Variants in FTCDNL1 observed in about 807,000 individuals in gnomAD.
FTCDNL1 encodes formiminotransferase N-terminal subdomain-containing protein.
In FTCDNL1, 11 loss-of-function variants were observed where a neutral mutation model predicts 5.9. The observed-to-expected ratio is 1.87, with a 90% CI of 1.18 to 3.10. The LOEUF (loss-of-function observed/expected upper bound fraction) is 3.10. Among genes scored for constraint, FTCDNL1 ranks in the 30% most tolerant of loss-of-function variants. FTCDNL1 has a pLI of 0.00. For synonymous variants in FTCDNL1, 58 were observed against 24.8 expected, an observed-to-expected ratio of 2.34 and a Z score of -3.99; for missense variants, 115 against 65.5, an observed-to-expected ratio of 1.76 and a Z score of -2.61.
At chr2:199,737,157 T>A in the FTCDNL1 span, among the ~76,000 whole-genome samples, 1 of 152,250 alleles carries the variant, frequency 6.6e-6, no homozygotes, top group Non-Finnish European at 1.5e-5. Context: ...CCAAATCTCA[T>A]GTCTGTCACT....
rs1700985332 is a variant in FTCDNL1 at position 199,810,669 on chromosome 2, C to G, written c.*2036G>C. ...ATTATAGTTTACACTATAAGATGGACAACTTGGTTAAATTAGCATTGGTAT... is the reference window on the plus strand; with the variant it reads ...ATTATAGTTTACACTATAAGATGGAGAACTTGGTTAAATTAGCATTGGTAT... On this transcript the variant is annotated 3_prime_UTR_variant, in exon 5 of 5. Transcript: ENST00000420128. Among the ~76,000 whole-genome samples the G allele has an allele frequency of 6.6e-6, 1 of 152,198 alleles. No individual in the cohort carries two copies. Among genetic ancestry groups the G allele is most frequent in the African/African-American group, 2.4e-5 (1 of 41,444 alleles).
chr2:199,678,497 C>T, the FTCDNL1 span, among the ~76,000 whole-genome samples: 1 of 151,768 alleles, frequency 6.6e-6, no homozygotes, highest in Non-Finnish European at 1.5e-5. Context: ...ATTATATAAG[C>T]CATATTTTTT....
chr2:199,758,441 C>G (rs1292797255), downstream of FTCDNL1, among the ~76,000 whole-genome samples: 1 of 149,544 alleles, frequency 6.7e-6, no homozygotes, highest in Non-Finnish European at 1.5e-5. Context: ...AAGCAAGAGG[C>G]CATTCCCACC....
intron 3 of FTCDNL1, among the ~76,000 whole-genome samples, chr2:199,779,110 T>C (rs937593577): frequency 2.6e-5 from 4 of 152,216 alleles, no homozygotes; most frequent in African/African-American, 9.6e-5. Context: ...GTTTTCCTTA[T>C]TATGTAAGTA....
At chr2:199,736,989 T>C in the FTCDNL1 span, among the ~76,000 whole-genome samples, 4 of 152,360 alleles carry the variant, frequency 2.6e-5, no homozygotes, top group South Asian at 8.3e-4. Context: ...ACAGGAGAGA[T>C]TGGCAGAAAG....
intron 3 of FTCDNL1, among the ~76,000 whole-genome samples, chr2:199,788,415 G>C (rs1329570242): frequency 1.3e-5 from 2 of 151,950 alleles, no homozygotes; most frequent in African/African-American, 2.4e-5. Context: ...ATAATAAAAG[G>C]GTCGCCAAAA....
chr2:199,748,246 A>C, the FTCDNL1 span, among the ~76,000 whole-genome samples: 1 of 152,196 alleles, frequency 6.6e-6, no homozygotes, highest in Non-Finnish European at 1.5e-5. Flanking sequence ...CATACTACGG[A>C]AAGAGTTTGA....
chr2:199,746,081 A>C, the FTCDNL1 span, among the ~76,000 whole-genome samples: 5 of 152,012 alleles, frequency 3.3e-5, no homozygotes. Context: ...CATATTCATA[A>C]ATGTGTTTGA....
chr2:199,686,365 G>A, the FTCDNL1 span, among the ~76,000 whole-genome samples: 1 of 152,096 alleles, frequency 6.6e-6, no homozygotes, highest in African/African-American at 2.4e-5. Flanking sequence ...TCATAGTGAA[G>A]CATTTCATCA....
At chr2:199,846,263 G>A in intron 2 of FTCDNL1, 93 bp from the exon 3 acceptor site, 1 of 584,584 alleles carries the variant, frequency 1.7e-6, no homozygotes, top group South Asian at 2.2e-5. Context: ...ATTTAGCTTA[G>A]TGGAAAAATT....
At chr2:199,760,909 C>T (rs959592187) in intron 3 of FTCDNL1, 4 of 698,464 alleles carry the variant, frequency 5.7e-6, no homozygotes, top group Non-Finnish European at 1.0e-5. Flanking sequence ...CTCCACTCAA[C>T]CCCCATTCCT....
the FTCDNL1 span, among the ~76,000 whole-genome samples, chr2:199,701,619 T>C: frequency 2.6e-5 from 4 of 152,334 alleles, no homozygotes; most frequent in East Asian, 3.9e-4. Flanking sequence ...CATGGAATAC[T>C]ATGCAGCCAT....
At chr2:199,746,913 T>C in the FTCDNL1 span, among the ~76,000 whole-genome samples, 39 of 152,208 alleles carry the variant, frequency 2.6e-4, no homozygotes, top group Non-Finnish European at 5.0e-4. Context: ...CGCCTCCCAC[T>C]ACCTTAAACG....
At chr2:199,725,790 T>C in the FTCDNL1 span, among the ~76,000 whole-genome samples, 1 of 152,174 alleles carries the variant, frequency 6.6e-6, no homozygotes, top group African/African-American at 2.4e-5. Context: ...GTAGGTGACC[T>C]GGCCTTTCTC....
chr2:199,760,766 T>C (rs777406285), exon 4 of FTCDNL1: 31 of 702,358 alleles, frequency 4.4e-5, no homozygotes, highest in South Asian at 3.6e-4. Context: ...TGGATTGCTC[T>C]GCCCTCCTCT....
At chr2:199,709,894 T>A in the FTCDNL1 span, among the ~76,000 whole-genome samples, 1 of 152,152 alleles carries the variant, frequency 6.6e-6, no homozygotes, top group Non-Finnish European at 1.5e-5. Flanking sequence ...ATACCTCTTT[T>A]GTAGCCATAA....
chr2:199,677,259 G>A, the FTCDNL1 span, among the ~76,000 whole-genome samples: 1 of 152,148 alleles, frequency 6.6e-6, no homozygotes, highest in Admixed American at 6.5e-5. Context: ...TTGTGTTACA[G>A]AATAAAACCA....
intron 2 of FTCDNL1, among the ~76,000 whole-genome samples, chr2:199,846,732 C>T (rs1210985091): frequency 3.3e-5 from 5 of 152,210 alleles, no homozygotes; most frequent in African/African-American, 1.2e-4. Context: ...TAACAACTTC[C>T]AGCTTTTGGT....
At chr2:199,701,842 C>T in the FTCDNL1 span, among the ~76,000 whole-genome samples, 1 of 152,096 alleles carries the variant, frequency 6.6e-6, no homozygotes. Flanking sequence ...TGAGACCAGC[C>T]TGACCAACAT....
Sources: allele counts gnomAD v4.1 joint callset (sites outside exome capture counted in the v4.1 genomes callset), GRCh38; gene constraint gnomAD v4.1.1; transcripts MANE v1.5; gene names NCBI Gene and HGNC (gene_info 2026-07-23, HGNC 2026-07-21).